The following OPCML variants were observed in gnomAD, a reference collection of about 807,000 sequenced individuals.
OPCML encodes opioid-binding protein/cell adhesion molecule.
A neutral mutation model predicts 37.8 loss-of-function variants in OPCML; 13 were observed. That is an observed-to-expected ratio of 0.34 (90% confidence interval 0.22 to 0.55). The LOEUF (loss-of-function observed/expected upper bound fraction) is 0.55. Ranked by LOEUF, OPCML falls within the 20% of genes least tolerant of loss-of-function variation. The probability of loss-of-function intolerance (pLI) is 0.91; values close to 1 mark genes in which losing one functional copy is unlikely to be tolerated. For missense variants in OPCML, 341 were observed against 435.6 expected, an observed-to-expected ratio of 0.78 and a Z score of 1.93; for synonymous variants, 176 against 168.8, an observed-to-expected ratio of 1.04 and a Z score of -0.33.
intron 1 of OPCML, among the ~76,000 whole-genome samples, chr11:133,140,528 T>TAACAAGAAGAAGAAGAAGAAGAAGAAG (rs1489312604): frequency 1.6e-5 from 1 of 61,244 alleles, no homozygotes; most frequent in Non-Finnish European, 3.5e-5. Flanking sequence ...ATAATAATAA[T>TAACAAGAAGAAGAAGAAGAAGAAGAAG]AATAAGAAGA....
intron 1 of OPCML, among the ~76,000 whole-genome samples, chr11:133,278,755 G>A (rs1213530563): frequency 6.6e-6 from 1 of 151,840 alleles, no homozygotes; most frequent in African/African-American, 2.4e-5. Flanking sequence ...AAAAAAATCT[G>A]TCAGCCACCT....
intron 1 of OPCML, among the ~76,000 whole-genome samples, chr11:133,107,640 TTGTC>T (rs1249712260): frequency 1.3e-5 from 2 of 152,234 alleles, no homozygotes; most frequent in African/African-American, 4.8e-5. Context: ...CACAGACGCT[TTGTC>T]TGAACGATAA....
intron 1 of OPCML, among the ~76,000 whole-genome samples, chr11:133,254,648 T>A (rs1941252492): frequency 6.6e-6 from 1 of 152,194 alleles, no homozygotes; most frequent in Non-Finnish European, 1.5e-5. Flanking sequence ...CTTTGTAGAC[T>A]GCATTTGAAT....
chr11:132,867,065 G>T (rs1297466603), intron 2 of OPCML, among the ~76,000 whole-genome samples: 3 of 152,184 alleles, frequency 2.0e-5, no homozygotes, highest in African/African-American at 7.2e-5. Context: ...TGAAAGCTCT[G>T]TTATAACAGG....
At chr11:133,004,047 G>A (rs1050213143) in intron 1 of OPCML, 2 of 985,272 alleles carry the variant, frequency 2.0e-6, no homozygotes, top group African/African-American at 3.5e-5. Flanking sequence ...AATGCCAGCT[G>A]GGAAGGAGGA....
intron 1 of OPCML, among the ~76,000 whole-genome samples, chr11:133,499,830 ATATGTG>A (rs1947869879): frequency 7.0e-6 from 1 of 141,934 alleles, no homozygotes; most frequent in Non-Finnish European, 1.5e-5. Flanking sequence ...ACACACATAT[ATATGTG>A]TATGTATATA....
intron 2 of OPCML, among the ~76,000 whole-genome samples, chr11:132,756,768 GTCT>G (rs946045504): frequency 2.0e-5 from 3 of 152,046 alleles, no homozygotes; most frequent in African/African-American, 7.2e-5. Flanking sequence ...TCTGTTCAAG[GTCT>G]TCTTTTTTCT....
At chr11:133,485,738 T>A in intron 1 of OPCML, among the ~76,000 whole-genome samples, 1 of 152,144 alleles carries the variant, frequency 6.6e-6, no homozygotes, top group East Asian at 1.9e-4. Context: ...TAACAACAAA[T>A]CAATACTTAC....
chr11:132,926,405 G>C (rs1944993620), intron 2 of OPCML, among the ~76,000 whole-genome samples: 1 of 152,076 alleles, frequency 6.6e-6, no homozygotes, highest in Non-Finnish European at 1.5e-5. Flanking sequence ...AAAAATAAAA[G>C]AACATTTAAG....
chr11:132,522,516 A>C (rs1334347417), intron 4 of OPCML, among the ~76,000 whole-genome samples: 1 of 152,236 alleles, frequency 6.6e-6, no homozygotes, highest in Admixed American at 6.5e-5. Flanking sequence ...ATGGATTCAA[A>C]GAATGCATTC....
rs576682923 is a variant in OPCML at position 133,324,159 on chromosome 11, T to C, written c.61+208105A>G. Among the ~76,000 whole-genome samples the C allele has an allele frequency of 3.9e-5, 6 of 152,334 alleles. No homozygotes were observed. In the South Asian group the frequency reaches 1.2e-3, roughly 32 times the overall value. ...CTGATTTCATATTTTATTTTGCTCATTAAAATTCCTGATAAGGATTTTCTT... is the reference window on the plus strand; with the variant it reads ...CTGATTTCATATTTTATTTTGCTCACTAAAATTCCTGATAAGGATTTTCTT... On this transcript the variant is annotated intron_variant, in intron 1 of 7. Coordinates refer to ENST00000524381, the MANE Select transcript of OPCML (RefSeq NM_001012393.5).
At chr11:133,045,126 C>T (rs1947982325) in intron 1 of OPCML, among the ~76,000 whole-genome samples, 1 of 152,162 alleles carries the variant, frequency 6.6e-6, no homozygotes, top group Non-Finnish European at 1.5e-5. Flanking sequence ...CAATCCCTGC[C>T]CCTCACACAT....
At chr11:132,435,185 T>A in intron 7 of OPCML, 5 of 1,289,430 alleles carry the variant, frequency 3.9e-6, no homozygotes, top group Non-Finnish European at 5.1e-6. Context: ...GGGGCTTATT[T>A]CTAAGACACA....
At chr11:133,117,107 A>T (rs946987759) in intron 1 of OPCML, among the ~76,000 whole-genome samples, 2 of 152,096 alleles carry the variant, frequency 1.3e-5, no homozygotes, top group Admixed American at 6.6e-5. Context: ...AAAACCATTT[A>T]AAAAAATTTT....
intron 4 of OPCML, among the ~76,000 whole-genome samples, chr11:132,482,149 T>C (rs2096182794): frequency 6.7e-6 from 1 of 148,428 alleles, no homozygotes; most frequent in African/African-American, 2.5e-5. Context: ...TTTGAAAGGA[T>C]CAACAAAATT....
chr11:133,179,329 C>A (rs917902654), intron 1 of OPCML, among the ~76,000 whole-genome samples: 9 of 152,148 alleles, frequency 5.9e-5, no homozygotes, highest in Admixed American at 2.6e-4. Flanking sequence ...TAATAGACAT[C>A]TCAGGGGTTG....
chr11:133,094,363 C>A (rs1901915), intron 1 of OPCML, among the ~76,000 whole-genome samples: 66,669 of 151,966 alleles, frequency 0.44, 16,239 homozygotes, highest in Admixed American at 0.55. Context: ...AAAAATCTGT[C>A]ATACCAGGGG....
At position 133,015,365 on chromosome 11, in the gene OPCML, G is replaced by GAGGA. The variant is rs1565398643; in HGVS notation, c.62-72359_62-72356dup. 9.2e-5 allele frequency among the ~76,000 whole-genome samples: 10 copies of GAGGA among 109,068 alleles called. 1 individual carries two copies. The highest frequency in any genetic ancestry group is 2.6e-4 in the African/African-American group (6 of 22,778). 71.6% of individuals were successfully genotyped at this position (109,068 alleles called of 152,430 possible). The stretch of plus-strand genomic sequence containing the variant: ...GGAGGGAGGGAGGGAGGAAGGAAGG[G>GAGGA]AGGAATGAAGGAAGGAAGGAAGGAA... On this transcript the variant is annotated intron_variant, in intron 1 of 7. Coordinates refer to ENST00000524381, the MANE Select transcript of OPCML (RefSeq NM_001012393.5).
intron 7 of OPCML, among the ~76,000 whole-genome samples, chr11:132,423,938 T>C (rs1421596183): frequency 2.6e-5 from 4 of 152,134 alleles, no homozygotes; most frequent in Admixed American, 1.3e-4. Flanking sequence ...TTGAGTACAG[T>C]TTTCTTAGAG....
Sources: allele counts gnomAD v4.1 joint callset (sites outside exome capture counted in the v4.1 genomes callset), GRCh38; gene constraint gnomAD v4.1.1; transcripts MANE v1.5; gene names NCBI Gene and HGNC (gene_info 2026-07-23, HGNC 2026-07-21).